SCFD2: variants seen among roughly 807,000 people sequenced by gnomAD.
SCFD2 encodes the protein sec1 family domain containing 2, also known as sec1 family domain-containing protein 2.
Under a neutral mutation model 58.9 loss-of-function variants are expected in SCFD2, and 54 were observed. That is an observed-to-expected ratio of 0.92 (90% CI 0.74 to 1.15). The LOEUF is 1.15. SCFD2 is among the 50% of genes most tolerant of loss of function. The pLI is 0.00. For missense variants in SCFD2, 805 were observed against 836.6 expected (o/e 0.96, Z 0.47); for synonymous variants, 321 against 335.9 (o/e 0.96, Z 0.49).
intron 4 of SCFD2, among the ~76,000 whole-genome samples, chr4:53,243,295 A>G (rs1258232630): frequency 6.6e-6 from 1 of 152,216 alleles, no homozygotes; most frequent in Non-Finnish European, 1.5e-5. Flanking sequence ...CAGAAACCCT[A>G]AAAGCTAGAA....
chr4:53,160,968 T>C (rs1726835122), intron 4 of SCFD2, among the ~76,000 whole-genome samples: 1 of 152,188 alleles, frequency 6.6e-6, no homozygotes, highest in African/African-American at 2.4e-5. Flanking sequence ...ATTCACACAA[T>C]GGAATATTAC....
intron 8 of SCFD2, among the ~76,000 whole-genome samples, chr4:52,885,255 C>G (rs2109446674): frequency 6.6e-6 from 1 of 152,222 alleles, no homozygotes; most frequent in African/African-American, 2.4e-5. Flanking sequence ...ATATCTGGAG[C>G]CTAGAAAGCA....
At chr4:53,021,962 C>T (rs569798926) in intron 5 of SCFD2, among the ~76,000 whole-genome samples, 8 of 152,304 alleles carry the variant, frequency 5.3e-5, no homozygotes, top group African/African-American at 1.9e-4. Flanking sequence ...ACCCCAATGA[C>T]TGGATGCCAG....
At chr4:53,166,881 G>T (rs893889984) in intron 4 of SCFD2, among the ~76,000 whole-genome samples, 3 of 151,620 alleles carry the variant, frequency 2.0e-5, no homozygotes, top group African/African-American at 7.2e-5. Flanking sequence ...TGTAATCTAG[G>T]TCCACATAAC....
intron 2 of SCFD2, among the ~76,000 whole-genome samples, chr4:53,331,083 G>C (rs1281865812): frequency 2.4e-4 from 37 of 151,380 alleles, no homozygotes; most frequent in East Asian, 5.9e-4. Context: ...CAGGAGCACC[G>C]AGATTCATAA....
Position 53,271,705 on chromosome 4 carries a change from C to T in SCFD2, c.1311+2121G>A, listed in dbSNP as rs1383505023. ...CTCCAACTCCTAACCTCAAGTGATC[C>T]GCCCACCTCGGCCTCCCAAAGTGCT... is the stretch of plus-strand genomic sequence containing the variant. On this transcript the variant is annotated intron_variant, in intron 4 of 8. Coordinates refer to ENST00000401642, the MANE Select transcript of SCFD2 (RefSeq NM_152540.4). Among the ~76,000 whole-genome samples, 11 of 152,188 alleles carry T rather than the reference C, an allele frequency of 7.2e-5. No individual in the cohort carries two copies. The South Asian group carries it at 8.3e-4, about 11-fold the overall frequency.
intron 4 of SCFD2, among the ~76,000 whole-genome samples, chr4:53,203,241 T>G (rs902491581): frequency 1.3e-5 from 2 of 152,194 alleles, no homozygotes; most frequent in Non-Finnish European, 2.9e-5. Context: ...CCTGAAGGGT[T>G]GTTGAATTTT....
intron 5 of SCFD2, among the ~76,000 whole-genome samples, chr4:53,129,056 A>G (rs1322226847): frequency 6.6e-6 from 1 of 152,236 alleles, no homozygotes; most frequent in African/African-American, 2.4e-5. Flanking sequence ...ATTTGGCTTT[A>G]AAAAAGCTTC....
chr4:53,254,730 T>G (rs1730532258), intron 4 of SCFD2, among the ~76,000 whole-genome samples: 1 of 151,910 alleles, frequency 6.6e-6, no homozygotes, highest in Admixed American at 6.5e-5. Context: ...CTGTAGCCAC[T>G]GGCCATGGGG....
At chr4:53,223,258 TA>T (rs1263887247) in intron 4 of SCFD2, among the ~76,000 whole-genome samples, 1 of 152,254 alleles carries the variant, frequency 6.6e-6, no homozygotes, top group Admixed American at 6.5e-5. Flanking sequence ...CCTTTTCGCA[TA>T]TAATTCATGT....
In SCFD2 at chr4:52,986,491, A is replaced by T. The variant is rs908835967; in HGVS notation, c.1562-65621T>A. Among the ~76,000 whole-genome samples, 523 of 85,020 alleles carry T rather than the reference A, an allele frequency of 6.2e-3. 5 individuals are homozygous for T. Among genetic ancestry groups the T allele is most frequent in the African/African-American group, 0.024 (507 of 21,382 alleles). The allele number at this position is 85,020 out of a possible 152,430, so 55.8% of individuals were successfully genotyped here. A position where few individuals can be genotyped will look rare whatever the true frequency, so the allele number is the denominator to read the frequency against. ...ATCTCAAGCTTAGGATCTTCATGAA[A>T]TTTTTTTTTTTTTTTTTTTTTTTTT... On this transcript the variant is annotated intron_variant, in intron 5 of 8. Coordinates refer to ENST00000401642, the MANE Select transcript of SCFD2 (RefSeq NM_152540.4).
At chr4:53,290,900 T>C (rs968088815) in intron 3 of SCFD2, among the ~76,000 whole-genome samples, 4 of 152,016 alleles carry the variant, frequency 2.6e-5, no homozygotes, top group Admixed American at 2.6e-4. Flanking sequence ...AATTGAATAA[T>C]AAGCAATTAA....
intron 5 of SCFD2, among the ~76,000 whole-genome samples, chr4:52,968,366 C>A (rs990300090): frequency 1.3e-5 from 2 of 152,232 alleles, no homozygotes; most frequent in African/African-American, 2.4e-5. Flanking sequence ...TAAAATGACA[C>A]CTTGAGTTCA....
chr4:52,891,797 C>T (rs1718884052), intron 7 of SCFD2, among the ~76,000 whole-genome samples: 1 of 152,250 alleles, frequency 6.6e-6, no homozygotes, highest in South Asian at 2.1e-4. Flanking sequence ...TTCAGCTTGA[C>T]CTCTCATCTG....
intron 4 of SCFD2, among the ~76,000 whole-genome samples, chr4:53,230,733 G>A (rs1729410805): frequency 6.6e-6 from 1 of 151,810 alleles, no homozygotes; most frequent in East Asian, 1.9e-4. Context: ...TAACAAACCT[G>A]CACGTTGTGC....
chr4:53,031,343 G>C (rs919228274), intron 5 of SCFD2, among the ~76,000 whole-genome samples: 3 of 152,120 alleles, frequency 2.0e-5, no homozygotes, highest in East Asian at 1.9e-4. Flanking sequence ...AAACCAGAAG[G>C]CCTCTTCTCC....
At chr4:53,069,100 A>G (rs13122232) in intron 5 of SCFD2, among the ~76,000 whole-genome samples, 29,600 of 152,054 alleles carry the variant, frequency 0.19, 3,474 homozygotes, top group Non-Finnish European at 0.27. Context: ...GAGGCATAGA[A>G]AGTGGCTTTA....
At chr4:53,143,401 T>C (rs1726225250) in intron 5 of SCFD2, among the ~76,000 whole-genome samples, 1 of 152,214 alleles carries the variant, frequency 6.6e-6, no homozygotes, top group African/African-American at 2.4e-5. Flanking sequence ...ATTAAAACTT[T>C]CTAAGTTGAT....
At chr4:53,276,691 C>A (rs1731338382) in intron 3 of SCFD2, among the ~76,000 whole-genome samples, 1 of 152,102 alleles carries the variant, frequency 6.6e-6, no homozygotes, top group South Asian at 2.1e-4. Context: ...ATTTAGCTCC[C>A]ACTTATAAGT....
Sources: gnomAD v4.1 joint callset for allele counts (sites outside exome capture counted in the v4.1 genomes callset) on GRCh38, gnomAD v4.1.1 for gene constraint, MANE v1.5 for transcripts, NCBI Gene and HGNC (gene_info 2026-07-23, HGNC 2026-07-21) for gene names.